The following DRC11 variants were observed in gnomAD, a reference collection of about 807,000 sequenced individuals.
The protein encoded by DRC11 is IQ and AAA domain-containing protein 1.
At chr2:236,365,303 A>C in the DRC11 span, among the ~76,000 whole-genome samples, 1 of 152,096 alleles carries the variant, frequency 6.6e-6, no homozygotes, top group Non-Finnish European at 1.5e-5. The surrounding 1 kb of genome is among the most constrained non-coding windows in gnomAD (Gnocchi z 7.4). Flanking sequence ...AGTTCAGAGA[A>C]GAAACTGCTC....
the DRC11 span, among the ~76,000 whole-genome samples, chr2:236,431,266 T>C: frequency 1.3e-5 from 2 of 152,232 alleles, no homozygotes; most frequent in South Asian, 4.1e-4. The surrounding 1 kb of genome is among the most constrained non-coding windows in gnomAD (Gnocchi z 4.2). Flanking sequence ...CTGAGTAATT[T>C]ATAAAGTAAA....
chr2:236,501,694 G>A, the DRC11 span, among the ~76,000 whole-genome samples: 5 of 152,154 alleles, frequency 3.3e-5, no homozygotes, highest in East Asian at 9.6e-4. Flanking sequence ...GAGGATACAG[G>A]CTAGACATAC....
the DRC11 span, chr2:236,488,235 C>T: frequency 2.2e-6 from 3 of 1,394,258 alleles, no homozygotes; most frequent in Non-Finnish European, 2.9e-6. Flanking sequence ...AACATGTTAA[C>T]CACATCAATT....
At chr2:236,506,081 G>C in the DRC11 span, among the ~76,000 whole-genome samples, 3 of 152,168 alleles carry the variant, frequency 2.0e-5, no homozygotes, top group Non-Finnish European at 2.9e-5. This position sits in a 1 kb window ranked among gnomAD's most constrained non-coding sequence, Gnocchi z 4.9. Context: ...TCAGTTCTCA[G>C]TTCTACCCCA....
chr2:236,338,464 C>A, the DRC11 span: 1 of 1,219,332 alleles, frequency 8.2e-7, no homozygotes, highest in Admixed American at 2.2e-5. Context: ...GGATGCATTG[C>A]AGCATCCTTT....
chr2:236,329,496 G>A, the DRC11 span, among the ~76,000 whole-genome samples: 1 of 152,294 alleles, frequency 6.6e-6, no homozygotes, highest in African/African-American at 2.4e-5. Flanking sequence ...TCATGTCTGT[G>A]GAGCAGGGTA....
chr2:236,419,037 A>G, the DRC11 span: 3 of 1,398,556 alleles, frequency 2.1e-6, no homozygotes, highest in South Asian at 3.5e-5. This position sits in a 1 kb window ranked among gnomAD's most constrained non-coding sequence, Gnocchi z 4.8. Context: ...TTCTCTAGGA[A>G]ACAAACGGCT....
At chr2:236,341,887 C>T in the DRC11 span, among the ~76,000 whole-genome samples, 1 of 152,158 alleles carries the variant, frequency 6.6e-6, no homozygotes, top group Non-Finnish European at 1.5e-5. Context: ...TCAGGGTTGC[C>T]GGGAGTTTCC....
At chr2:236,465,840 T>C in the DRC11 span, 1 of 645,000 alleles carries the variant, frequency 1.6e-6, no homozygotes, top group South Asian at 1.9e-5. This position sits in a 1 kb window ranked among gnomAD's most constrained non-coding sequence, Gnocchi z 6.2. Flanking sequence ...AATACAAGCA[T>C]CCAGAGGAAG....
chr2:236,423,843 C>T, the DRC11 span, among the ~76,000 whole-genome samples: 1 of 152,018 alleles, frequency 6.6e-6, no homozygotes, highest in African/African-American at 2.4e-5. Flanking sequence ...AAATGTGGCA[C>T]ATATACACCA....
the DRC11 span, among the ~76,000 whole-genome samples, chr2:236,336,848 T>C: frequency 1.3e-5 from 2 of 152,204 alleles, no homozygotes; most frequent in East Asian, 3.9e-4. The surrounding 1 kb of genome is among the most constrained non-coding windows in gnomAD (Gnocchi z 7.3). Context: ...GTCCTCGGCC[T>C]CCCTCGAATC....
chr2:236,364,510 G>A, the DRC11 span, among the ~76,000 whole-genome samples: 3 of 152,070 alleles, frequency 2.0e-5, no homozygotes, highest in East Asian at 5.8e-4. Flanking sequence ...CTCCTGCCCT[G>A]GTTTCTAGCT....
chr2:236,310,531 T>C, the DRC11 span, among the ~76,000 whole-genome samples: 1 of 152,150 alleles, frequency 6.6e-6, no homozygotes, highest in Non-Finnish European at 1.5e-5. This position sits in a 1 kb window ranked among gnomAD's most constrained non-coding sequence, Gnocchi z 5.5. Context: ...ATGAGGAAAA[T>C]AAAGACTCTC....
chr2:236,490,836 T>C, the DRC11 span, among the ~76,000 whole-genome samples: 12 of 151,418 alleles, frequency 7.9e-5, no homozygotes, highest in Admixed American at 7.3e-4. The surrounding 1 kb of genome is among the most constrained non-coding windows in gnomAD (Gnocchi z 5.5). Context: ...CATATACACA[T>C]ATATACATGT....
At chr2:236,465,385 C>T in the DRC11 span, 1 of 840,840 alleles carries the variant, frequency 1.2e-6, no homozygotes, top group Non-Finnish European at 1.9e-6. This position sits in a 1 kb window ranked among gnomAD's most constrained non-coding sequence, Gnocchi z 6.2. Flanking sequence ...TTTCACGTTT[C>T]TAAAACGAAG....
the DRC11 span, among the ~76,000 whole-genome samples, chr2:236,345,333 C>T: frequency 1.3e-5 from 2 of 152,320 alleles, no homozygotes; most frequent in Admixed American, 1.3e-4. Flanking sequence ...CCAACCGCTC[C>T]TCTGTCAGTC....
chr2:236,377,407 C>T, the DRC11 span, among the ~76,000 whole-genome samples: 1 of 152,176 alleles, frequency 6.6e-6, no homozygotes, highest in Admixed American at 6.5e-5. This position sits in a 1 kb window ranked among gnomAD's most constrained non-coding sequence, Gnocchi z 4.9. Context: ...CTGATGTTTC[C>T]CATTAATAAG....
the DRC11 span, among the ~76,000 whole-genome samples, chr2:236,374,631 G>A: frequency 9.9e-5 from 15 of 152,200 alleles, no homozygotes; most frequent in Admixed American, 7.9e-4. Context: ...TTGTGAGAAC[G>A]AAAGCAAGAG....
the DRC11 span, among the ~76,000 whole-genome samples, chr2:236,458,533 T>C: frequency 2.6e-5 from 4 of 152,182 alleles, no homozygotes; most frequent in Non-Finnish European, 5.9e-5. Flanking sequence ...CAAATGTACA[T>C]ATAAAATGCA....
Sources: allele counts gnomAD v4.1 joint callset (sites outside exome capture counted in the v4.1 genomes callset), GRCh38; gene constraint gnomAD v4.1.1; non-coding constraint Gnocchi (gnomAD v3.1); transcripts MANE v1.5; gene names NCBI Gene and HGNC (gene_info 2026-07-23, HGNC 2026-07-21).